SYNJ2: variants seen among roughly 807,000 people sequenced by gnomAD.
SYNJ2 encodes the protein polyphosphatidylinositol phosphatase SYNJ2.
Under a neutral mutation model 141.3 loss-of-function variants are expected in SYNJ2, and 116 were observed. The ratio of observed to expected loss-of-function variants is 0.82; its 90% CI spans 0.71 to 0.96. SYNJ2 has a LOEUF of 0.96. Among genes scored for constraint, SYNJ2 ranks in the 40% least tolerant of loss-of-function variants. The probability of loss-of-function intolerance (pLI) is 0.00; values close to 1 mark genes in which losing one functional copy is unlikely to be tolerated. For missense variants in SYNJ2, 1,873 were observed against 1,934.8 expected, an observed-to-expected ratio of 0.97 and a Z score of 0.60; for synonymous variants, 745 against 777.7, an observed-to-expected ratio of 0.96 and a Z score of 0.70.
intron 5 of SYNJ2, among the ~76,000 whole-genome samples, chr6:158,053,942 A>G (rs530793522): frequency 1.2e-4 from 17 of 147,634 alleles, no homozygotes; most frequent in African/African-American, 3.3e-4. Flanking sequence ...CCACCTTTCT[A>G]TCCATCCACT....
At chr6:158,019,618 GC>G (rs1175328438) in intron 2 of SYNJ2, among the ~76,000 whole-genome samples, 1 of 151,996 alleles carries the variant, frequency 6.6e-6, no homozygotes, top group African/African-American at 2.4e-5. Flanking sequence ...GCCAGTCCCC[GC>G]CACCCCACAC....
rs760772140 is a variant in SYNJ2 at position 157,982,398 on chromosome 6, G to A, written c.127+310G>A. Among the ~76,000 whole-genome samples the A allele has an allele frequency of 2.6e-5, 4 of 152,218 alleles. No homozygotes were observed. The highest frequency in any genetic ancestry group is 5.9e-5 in the Non-Finnish European group (4 of 68,036). The stretch of plus-strand genomic sequence containing the variant: ...TTTGCGTATTCATGAGGATCCCGGG[G>A]TGTTGACTTAGCCGGCCTGACCCTG... On this transcript the variant is annotated intron_variant, in intron 1 of 26. Coordinates refer to ENST00000355585, the MANE Select transcript of SYNJ2 (RefSeq NM_003898.4). The surrounding 1 kb of genome is among the most constrained non-coding windows in gnomAD (Gnocchi z 4.0).
intron 1 of SYNJ2, among the ~76,000 whole-genome samples, chr6:158,000,070 T>A (rs1046643977): frequency 0.016 from 701 of 43,352 alleles, no homozygotes; most frequent in South Asian, 0.046. Context: ...AAGGCTTTTT[T>A]TTTTTTTTTT....
At chr6:158,028,700 TCCAGGCGGCC>T in intron 2 of SYNJ2, 46 bp from the exon 3 acceptor site, 1 of 1,585,368 alleles carries the variant, frequency 6.3e-7, no homozygotes, top group Admixed American at 1.7e-5. Context: ...CCCTTGGAGC[TCCAGGCGGCC>T]GGGCCGACTT....
intron 1 of SYNJ2, among the ~76,000 whole-genome samples, chr6:158,007,375 G>A (rs1778112750): frequency 6.6e-6 from 1 of 152,214 alleles, no homozygotes; most frequent in Admixed American, 6.5e-5. Context: ...CCTCCACGCA[G>A]GGCTGCAACA....
chr6:158,033,938 C>T (rs907731569), intron 4 of SYNJ2, among the ~76,000 whole-genome samples: 3 of 152,160 alleles, frequency 2.0e-5, no homozygotes, highest in Admixed American at 1.3e-4. Flanking sequence ...TTTAACTAAA[C>T]GGAATCAGGA....
chr6:158,039,687 A>G (rs1779833162), intron 4 of SYNJ2, among the ~76,000 whole-genome samples: 1 of 151,976 alleles, frequency 6.6e-6, no homozygotes, highest in Non-Finnish European at 1.5e-5. Context: ...TCATTCTGGT[A>G]GCACAGCGTG....
rs756145047 is a variant in SYNJ2, at chr6:158,043,360, A to G, written c.756A>G (p.Arg252=). The G allele has an allele frequency of 1.9e-6, 3 of 1,614,120 alleles. No homozygotes were observed. The highest frequency in any genetic ancestry group is 2.5e-6 in the Non-Finnish European group (3 of 1,179,988). ...DDGVSSFVQI[R]GSVPLFWEQP... ...GAGTGTCATCTTTTGTCCAGATCAG[A>G]GGCTCCGTTCCGCTGTTCTGGGAAC... Residue 252 remains arginine, a synonymous_variant, in exon 5 of 27, where the codon AGA becomes AGG. Coordinates refer to ENST00000355585, the MANE Select transcript of SYNJ2 (RefSeq NM_003898.4). This position sits in a 1 kb window ranked among gnomAD's most constrained non-coding sequence, Gnocchi z 4.0.
intron 23 of SYNJ2, among the ~76,000 whole-genome samples, chr6:158,087,365 A>C (rs892506858): frequency 6.6e-6 from 1 of 152,174 alleles, no homozygotes; most frequent in African/African-American, 2.4e-5. Context: ...ACTTATGAGG[A>C]ATCTGGTAAA....
Position 158,071,611 on chromosome 6 carries a change from C to T in SYNJ2, c.1950C>T (p.Ala650=). ...TATCCTTCTGTTCCAGGGACGTAGC[C>T]ATCGACACAGTGAAGACGGGCATGG... The part of the protein sequence containing the change: ...PYHVPFIRDV[A]IDTVKTGMGG... The change falls in exon 15 of 27, where the codon GCC becomes GCT. Residue 650 remains alanine (A), a synonymous_variant. Coordinates refer to ENST00000355585, the MANE Select transcript of SYNJ2 (RefSeq NM_003898.4). The surrounding 1 kb of genome is among the most constrained non-coding windows in gnomAD (Gnocchi z 4.3). 1 of 1,613,902 alleles carries T rather than the reference C, an allele frequency of 6.2e-7. No homozygotes were observed. Among genetic ancestry groups the T allele is most frequent in the South Asian group, 1.1e-5 (1 of 91,074 alleles).
intron 2 of SYNJ2, among the ~76,000 whole-genome samples, chr6:158,018,200 G>GCCGGCTGTCGTGGGTGGTCA (rs1340647959): frequency 6.6e-6 from 1 of 152,208 alleles, no homozygotes; most frequent in Non-Finnish European, 1.5e-5. Context: ...GCCGGTGGTG[G>GCCGGCTGTCGTGGGTGGTCA]CCGGCTGTCG....
chr6:158,068,885 A>G (rs539061475), intron 13 of SYNJ2, among the ~76,000 whole-genome samples, 157 bp downstream of exon 13: 3 of 152,262 alleles, frequency 2.0e-5, no homozygotes, highest in African/African-American at 7.2e-5. Context: ...CTCCTTCTCT[A>G]TGCTCACACA....
chr6:158,094,565 C>T (rs1783686633), intron 26 of SYNJ2, among the ~76,000 whole-genome samples: 1 of 152,196 alleles, frequency 6.6e-6, no homozygotes, highest in Non-Finnish European at 1.5e-5. Context: ...TCGGGGACCA[C>T]CTGCTTTGTC....
intron 9 of SYNJ2, 78 bp downstream of exon 9, chr6:158,063,950 T>C: frequency 6.8e-7 from 1 of 1,476,130 alleles, no homozygotes; most frequent in Non-Finnish European, 9.4e-7. Context: ...GCTGAGCACC[T>C]TTAGCGGCAA....
intron 1 of SYNJ2, among the ~76,000 whole-genome samples, chr6:157,990,053 G>A (rs1259132894): frequency 6.6e-6 from 1 of 152,226 alleles, no homozygotes; most frequent in Non-Finnish European, 1.5e-5. Flanking sequence ...GGGCTGCGCC[G>A]TCTGTGCCCT....
chr6:158,027,010 G>A lies in SYNJ2; in HGVS notation c.215-1746G>A. On this transcript the variant is annotated intron_variant, in intron 2 of 26. Transcript: ENST00000355585. The surrounding 1 kb of genome is among the most constrained non-coding windows in gnomAD (Gnocchi z 4.6). ...GGTTTCCTGAGGATGTGTCTGGGGA[G>A]ATGTGATGGGATCAACCCCCTGCCC... 1 of 985,450 alleles carries A rather than the reference G, an allele frequency of 1.0e-6. No homozygotes were observed. The highest frequency in any genetic ancestry group is 1.2e-6 in the Non-Finnish European group (1 of 829,930). The allele number at this position is 985,450 out of a possible 1,614,324, so 61.0% of individuals were successfully genotyped here. A position where few individuals can be genotyped will look rare whatever the true frequency, so the allele number is the denominator to read the frequency against.
intron 1 of SYNJ2, among the ~76,000 whole-genome samples, chr6:158,014,174 C>T (rs985531933): frequency 2.6e-5 from 4 of 152,206 alleles, no homozygotes; most frequent in African/African-American, 4.8e-5. Flanking sequence ...TTCATGATTT[C>T]GCCCAGCTGT....
intron 3 of SYNJ2, among the ~76,000 whole-genome samples, chr6:158,031,396 G>A (rs1186574634): frequency 3.3e-5 from 5 of 152,220 alleles, no homozygotes; most frequent in African/African-American, 4.8e-5. Flanking sequence ...GGGGATTCAC[G>A]AGGTGGAGGC....
At chr6:158,021,717 A>G (rs1489312509) in intron 2 of SYNJ2, among the ~76,000 whole-genome samples, 2 of 152,206 alleles carry the variant, frequency 1.3e-5, no homozygotes, top group Non-Finnish European at 2.9e-5. Context: ...CAGAAGGAGG[A>G]TTCCCTGGAG....
Sources: gnomAD v4.1 joint callset for allele counts (sites outside exome capture counted in the v4.1 genomes callset) on GRCh38, gnomAD v4.1.1 for gene constraint, Gnocchi (gnomAD v3.1) non-coding constraint, MANE v1.5 for transcripts, NCBI Gene and HGNC (gene_info 2026-07-23, HGNC 2026-07-21) for gene names.